Variants in PDE11A observed in about 807,000 individuals in gnomAD.
The protein encoded by PDE11A is dual 3',5'-cyclic-AMP and -GMP phosphodiesterase 11A.
PDE11A carries 100 observed loss-of-function variants against 100.5 expected under a neutral mutation model. The ratio of observed to expected loss-of-function variants is 1.00; its 90% CI spans 0.85 to 1.18. The LOEUF (loss-of-function observed/expected upper bound fraction) is 1.18. PDE11A is among the 50% of genes most tolerant of loss of function. The probability of loss-of-function intolerance (pLI) is 0.00; values close to 1 mark genes in which losing one functional copy is unlikely to be tolerated. For synonymous variants in PDE11A, 381 were observed against 420.8 expected (o/e 0.91, Z 1.16); for missense variants, 1,141 against 1,152.6 (o/e 0.99, Z 0.15).
In PDE11A at chr2:177,623,935, T is replaced by C. The variant is rs2079797720; in HGVS notation, c.*5472A>G. The C allele has an allele frequency of 6.6e-6, 1 of 152,244 alleles. No homozygotes were observed. The highest frequency in any genetic ancestry group is 2.1e-4 in the South Asian group (1 of 4,836). The allele number at this position is 152,244 out of a possible 1,614,324, so 9.4% of individuals were successfully genotyped here. On this transcript the variant is annotated 3_prime_UTR_variant, in exon 20 of 20. Transcript: ENST00000286063. ...ATGACAAACAGTGTCAGCATGACAT[T>C]GGGCATTGCTAAATCTAAATGCTCA... is the stretch of plus-strand genomic sequence containing the variant.
chr2:177,990,190 G>A (rs996383854), intron 2 of PDE11A, among the ~76,000 whole-genome samples: 1 of 152,168 alleles, frequency 6.6e-6, no homozygotes, highest in Non-Finnish European at 1.5e-5. Context: ...TACATGATTA[G>A]TAACCATGTA....
chr2:177,638,816 G>A (rs1170179573), intron 19 of PDE11A, among the ~76,000 whole-genome samples: 1 of 152,148 alleles, frequency 6.6e-6, no homozygotes, highest in African/African-American at 2.4e-5. Flanking sequence ...CTTTTCTTGG[G>A]TACTCTAGCT....
rs545448464 is a variant in PDE11A, at chr2:177,913,081, C to T, written c.1072-7894G>A. On this transcript the variant is annotated intron_variant, in intron 2 of 19. Transcript: ENST00000286063. ...TTACTAAAAGTCATTGAATTGCTCA[C>T]TTGAAATGTGTGAATTTTATGATAT... 3.9e-5 allele frequency among the ~76,000 whole-genome samples: 6 copies of T among 152,242 alleles called. No homozygotes were observed. In the South Asian group the frequency reaches 1.0e-3, roughly 26 times the overall value.
intron 2 of PDE11A, among the ~76,000 whole-genome samples, chr2:177,938,565 C>A (rs2085306094): frequency 6.6e-6 from 1 of 152,200 alleles, no homozygotes; most frequent in African/African-American, 2.4e-5. Flanking sequence ...CTTATGCTTA[C>A]ACAATTCCCT....
chr2:177,841,627 T>C (rs1277590750), intron 5 of PDE11A, among the ~76,000 whole-genome samples: 4 of 152,250 alleles, frequency 2.6e-5, no homozygotes, highest in South Asian at 4.1e-4. Flanking sequence ...AGACATTATT[T>C]AACATCATTA....
intron 4 of PDE11A, among the ~76,000 whole-genome samples, chr2:177,893,429 T>C (rs572105560): frequency 2.0e-5 from 3 of 152,222 alleles, no homozygotes; most frequent in Admixed American, 2.0e-4. Flanking sequence ...CATGCTACTG[T>C]GCAAAGCCCT....
chr2:177,956,836 C>T (rs1365939233), intron 2 of PDE11A, among the ~76,000 whole-genome samples: 13 of 152,014 alleles, frequency 8.6e-5, no homozygotes, highest in East Asian at 3.8e-4. Context: ...CGCATGTTCT[C>T]GCTCATAGGT....
intron 12 of PDE11A, among the ~76,000 whole-genome samples, chr2:177,720,160 G>A (rs2081505038): frequency 6.6e-6 from 1 of 151,914 alleles, no homozygotes; most frequent in African/African-American, 2.4e-5. Context: ...GTGATGGAAT[G>A]GCAACCACTC....
At chr2:178,015,591 T>C (rs1200574412) in intron 1 of PDE11A, among the ~76,000 whole-genome samples, 1 of 152,172 alleles carries the variant, frequency 6.6e-6, no homozygotes. Context: ...GAAAGTTAAG[T>C]CAGATAATTA....
At chr2:177,932,628 A>G (rs961640735) in intron 2 of PDE11A, among the ~76,000 whole-genome samples, 1 of 152,174 alleles carries the variant, frequency 6.6e-6, no homozygotes, top group Admixed American at 6.6e-5. Context: ...TTCATGATAA[A>G]AACCCTCAAG....
intron 1 of PDE11A, among the ~76,000 whole-genome samples, chr2:178,029,594 G>A (rs369016353): frequency 7.0e-4 from 107 of 152,056 alleles, no homozygotes; most frequent in African/African-American, 2.3e-3. Context: ...ACCATAAGGA[G>A]TTAGGGGAAA....
chr2:177,891,011 T>A (rs1459793352), intron 4 of PDE11A, among the ~76,000 whole-genome samples: 2 of 152,208 alleles, frequency 1.3e-5, no homozygotes, highest in African/African-American at 4.8e-5. Flanking sequence ...AATAAACTTC[T>A]ATTGATATTT....
chr2:177,736,277 C>T (rs57986087), intron 10 of PDE11A, among the ~76,000 whole-genome samples: 1,965 of 151,906 alleles, frequency 0.013, 40 homozygotes, highest in African/African-American at 0.045. Context: ...TTTGGGAGGC[C>T]GAGGCAGGTG....
chr2:177,751,344 A>C (rs2082023513), intron 10 of PDE11A, among the ~76,000 whole-genome samples: 1 of 151,766 alleles, frequency 6.6e-6, no homozygotes, highest in Non-Finnish European at 1.5e-5. Flanking sequence ...CCTTTCCTGA[A>C]AACCTACACC....
At chr2:177,773,432 T>G (rs1332596738) in intron 9 of PDE11A, among the ~76,000 whole-genome samples, 6 of 152,236 alleles carry the variant, frequency 3.9e-5, no homozygotes, top group Non-Finnish European at 8.8e-5. Context: ...ATTAAATGTA[T>G]GTACAGTTAA....
chr2:177,884,427 A>T (rs1220878888), intron 4 of PDE11A, among the ~76,000 whole-genome samples: 1 of 152,156 alleles, frequency 6.6e-6, no homozygotes, highest in Non-Finnish European at 1.5e-5. Flanking sequence ...AGCCAGATGA[A>T]ATGATCTTCA....
rs769486668 is a variant in PDE11A, at chr2:178,071,964, G to A, written c.474C>T (p.Leu158=). The change falls in exon 1 of 20, where the codon CTC becomes CTT. Residue 158 remains leucine (L), a synonymous_variant. Coordinates refer to ENST00000286063, the MANE Select transcript of PDE11A (RefSeq NM_016953.4). Reference sequence around the variant, plus strand: ...TGGGGGGCAGGGAGCTTGCCTTCCGGAGAAGTGCCCTCCGTCGTACACTAC... The same window carrying A: ...TGGGGGGCAGGGAGCTTGCCTTCCGAAGAAGTGCCCTCCGTCGTACACTAC... ...PLSSVRRRAL[L]RKASSLPPTT... 6.2e-7 allele frequency: 1 copy of A among 1,614,106 alleles called. No individual in the cohort carries two copies. The highest frequency in any genetic ancestry group is 1.7e-5 in the Admixed American group (1 of 60,026).
chr2:178,063,600 A>C (rs2087000955), intron 1 of PDE11A, among the ~76,000 whole-genome samples: 1 of 152,146 alleles, frequency 6.6e-6, no homozygotes, highest in Admixed American at 6.5e-5. Context: ...AGTTTGAATA[A>C]TTTTGGCAAA....
chr2:177,919,623 T>C (rs1325628979), intron 2 of PDE11A, among the ~76,000 whole-genome samples: 2 of 152,122 alleles, frequency 1.3e-5, no homozygotes, highest in African/African-American at 4.8e-5. Flanking sequence ...TATAAAATTT[T>C]TAATAAGTTA....
Sources: allele counts gnomAD v4.1 joint callset (sites outside exome capture counted in the v4.1 genomes callset), GRCh38; gene constraint gnomAD v4.1.1; transcripts MANE v1.5; gene names NCBI Gene and HGNC (gene_info 2026-07-23, HGNC 2026-07-21).